The following LRRTM4 variants were observed in gnomAD, a reference collection of about 807,000 sequenced individuals.
LRRTM4 encodes the protein leucine-rich repeat transmembrane neuronal protein 4.
Under a neutral mutation model 47.6 loss-of-function variants are expected in LRRTM4, and 25 were observed. That is an observed-to-expected ratio of 0.53 (90% CI 0.38 to 0.73). The LOEUF (loss-of-function observed/expected upper bound fraction) is 0.73, where lower values mean the gene tolerates loss of function less well. LRRTM4 is among the 30% of genes least tolerant of loss of function. The pLI is 0.00. For synonymous variants in LRRTM4, 311 were observed against 269.5 expected (o/e 1.15, Z -1.51); for missense variants, 638 against 713.4 (o/e 0.89, Z 1.20).
intron 3 of LRRTM4, among the ~76,000 whole-genome samples, chr2:77,061,559 G>C (rs960712247): frequency 6.6e-6 from 1 of 152,124 alleles, no homozygotes; most frequent in African/African-American, 2.4e-5. Context: ...TCTCCAGAAA[G>C]AGTGTTCAGT....
chr2:77,513,610 C>T (rs1679101276), intron 3 of LRRTM4, among the ~76,000 whole-genome samples: 1 of 151,826 alleles, frequency 6.6e-6, no homozygotes, highest in Non-Finnish European at 1.5e-5. Flanking sequence ...GTTCTGTTGC[C>T]CAGGCAGGAC....
intron 3 of LRRTM4, among the ~76,000 whole-genome samples, chr2:77,145,882 T>C (rs1207312326): frequency 6.6e-6 from 1 of 152,120 alleles, no homozygotes; most frequent in Non-Finnish European, 1.5e-5. Flanking sequence ...AAAAATATAT[T>C]CTGAGCATGT....
At position 77,156,893 on chromosome 2, in the gene LRRTM4, AT is replaced by A. The variant is rs888907970; in HGVS notation, c.1551+361424del. On this transcript the variant is annotated intron_variant, in intron 3 of 3. Coordinates refer to ENST00000409884, the MANE Select transcript of LRRTM4 (RefSeq NM_001134745.3). ...GGCTCAACTTCTTACTAAAGCTTTT[AT>A]TTTTTTTTTTCTCAAGGTGTTTAGT... 9.9e-4 allele frequency among the ~76,000 whole-genome samples: 140 copies of A among 141,672 alleles called. No individual in the cohort carries two copies. The East Asian group carries it at 0.021, about 21-fold the overall frequency. The allele number at this position is 141,672 out of a possible 152,430, so 92.9% of individuals were successfully genotyped here. A position where few individuals can be genotyped will look rare whatever the true frequency, so the allele number is the denominator to read the frequency against.
intron 2 of LRRTM4, 70 bp downstream of exon 2, chr2:77,521,598 T>C (rs1251434914): frequency 2.0e-5 from 32 of 1,592,006 alleles, no homozygotes; most frequent in Admixed American, 1.5e-4. Context: ...TATCTGCTAA[T>C]GCCACGACTG....
chr2:76,886,735 A>G (rs931225452), intron 3 of LRRTM4, among the ~76,000 whole-genome samples: 5 of 152,168 alleles, frequency 3.3e-5, no homozygotes, highest in Admixed American at 2.0e-4. Context: ...AAAATTAATG[A>G]AGAAAAATAT....
At chr2:76,860,625 C>A (rs1251480020) in intron 3 of LRRTM4, among the ~76,000 whole-genome samples, 2 of 151,972 alleles carry the variant, frequency 1.3e-5, no homozygotes, top group South Asian at 2.1e-4. Flanking sequence ...AAGAATGGAA[C>A]TTAGCTATAG....
intron 3 of LRRTM4, among the ~76,000 whole-genome samples, chr2:76,922,400 C>T (rs1192431402): frequency 1.3e-5 from 2 of 152,012 alleles, no homozygotes; most frequent in Admixed American, 6.6e-5. Flanking sequence ...GGAAGTGCCA[C>T]ATACTTTCAA....
chr2:77,261,262 C>T (rs1675911694), intron 3 of LRRTM4, among the ~76,000 whole-genome samples: 1 of 152,076 alleles, frequency 6.6e-6, no homozygotes, highest in Admixed American at 6.6e-5. Context: ...TTTACACTCA[C>T]CAAATATTCT....
At chr2:76,927,088 A>G (rs969266126) in intron 3 of LRRTM4, among the ~76,000 whole-genome samples, 10 of 152,124 alleles carry the variant, frequency 6.6e-5, no homozygotes, top group African/African-American at 1.7e-4. Flanking sequence ...ATTTTTGGTT[A>G]TTAGCCACTT....
intron 3 of LRRTM4, among the ~76,000 whole-genome samples, chr2:77,055,608 C>T (rs1017337263): frequency 5.3e-5 from 8 of 152,080 alleles, no homozygotes; most frequent in African/African-American, 1.9e-4. Flanking sequence ...TAAACTAGTT[C>T]GACCATTGTG....
intron 3 of LRRTM4, among the ~76,000 whole-genome samples, chr2:77,307,060 C>A (rs538833007): frequency 6.6e-6 from 1 of 151,256 alleles, no homozygotes; most frequent in African/African-American, 2.4e-5. Context: ...CCACCACGCC[C>A]GGCTAATTTT....
chr2:76,791,531 C>A (rs1202639084), intron 3 of LRRTM4, among the ~76,000 whole-genome samples: 1 of 152,176 alleles, frequency 6.6e-6, no homozygotes, highest in African/African-American at 2.4e-5. Flanking sequence ...AGAAATGGCA[C>A]ACCTCTACTT....
At chr2:77,190,877 T>C (rs1573057862) in intron 3 of LRRTM4, among the ~76,000 whole-genome samples, 1 of 152,178 alleles carries the variant, frequency 6.6e-6, no homozygotes, top group South Asian at 2.1e-4. Context: ...AAGGATACTA[T>C]GGCAGTGTGT....
intron 3 of LRRTM4, among the ~76,000 whole-genome samples, chr2:77,075,214 T>C (rs1435455882): frequency 1.3e-5 from 2 of 152,230 alleles, no homozygotes; most frequent in Non-Finnish European, 2.9e-5. Context: ...TCAAAACTTA[T>C]ACAGAAATTG....
intron 3 of LRRTM4, among the ~76,000 whole-genome samples, chr2:77,487,202 A>G (rs1039197161): frequency 6.6e-6 from 1 of 152,174 alleles, no homozygotes; most frequent in African/African-American, 2.4e-5. Context: ...TTGGTGGGGC[A>G]GAAGCCCTGC....
chr2:77,493,977 TA>T (rs1678264939), intron 3 of LRRTM4, among the ~76,000 whole-genome samples: 1 of 152,112 alleles, frequency 6.6e-6, no homozygotes, highest in Non-Finnish European at 1.5e-5. Flanking sequence ...GAAATTGAAA[TA>T]GAATTTCTAG....
rs79663692 is a variant in LRRTM4 at position 77,054,473 on chromosome 2, G to A, written c.1552-305557C>T. Among the ~76,000 whole-genome samples the A allele has an allele frequency of 2.5e-3, 383 of 152,214 alleles. 2 individuals are homozygous for A. The highest frequency in any genetic ancestry group is 8.8e-3 in the African/African-American group (366 of 41,528). On this transcript the variant is annotated intron_variant, in intron 3 of 3. Coordinates refer to ENST00000409884, the MANE Select transcript of LRRTM4 (RefSeq NM_001134745.3). Reference sequence around the variant, plus strand: ...AGTATGCACTTATTTGCCTCACTTGGCATTTTGTGAGAGACTTTATCAAAG... The same window carrying A: ...AGTATGCACTTATTTGCCTCACTTGACATTTTGTGAGAGACTTTATCAAAG...
chr2:77,217,774 C>T (rs752410606), intron 3 of LRRTM4, among the ~76,000 whole-genome samples: 1 of 152,016 alleles, frequency 6.6e-6, no homozygotes. Flanking sequence ...TTGCCAATCT[C>T]ATTTTGATGT....
At chr2:77,093,086 C>T (rs1382717959) in intron 3 of LRRTM4, among the ~76,000 whole-genome samples, 1 of 146,172 alleles carries the variant, frequency 6.8e-6, no homozygotes, top group Non-Finnish European at 1.5e-5. Context: ...TAGACTGTGC[C>T]CCAAAAAACT....
Sources: allele counts gnomAD v4.1 joint callset (sites outside exome capture counted in the v4.1 genomes callset), GRCh38; gene constraint gnomAD v4.1.1; transcripts MANE v1.5; gene names NCBI Gene and HGNC (gene_info 2026-07-23, HGNC 2026-07-21).